The following GABRA4 variants were observed in gnomAD, a reference collection of about 807,000 sequenced individuals.
GABRA4 encodes the protein gamma-aminobutyric acid type A receptor subunit alpha4.
A neutral mutation model predicts 49.7 loss-of-function variants in GABRA4; 12 were observed. That is an observed-to-expected ratio of 0.24 (90% CI 0.15 to 0.39). The LOEUF is 0.39. GABRA4 is among the 10% of genes least tolerant of loss of function. GABRA4 has a pLI of 1.00. For synonymous variants in GABRA4, 288 were observed against 240.2 expected, an observed-to-expected ratio of 1.20 and a Z score of -1.84; for missense variants, 506 against 686.0, an observed-to-expected ratio of 0.74 and a Z score of 2.93.
At chr4:46,961,131 T>A (rs1287558974) in intron 8 of GABRA4, among the ~76,000 whole-genome samples, 2 of 151,908 alleles carry the variant, frequency 1.3e-5, no homozygotes, top group Non-Finnish European at 2.9e-5. Context: ...GTGATGAAAT[T>A]GATTCATTTA....
intron 8 of GABRA4, among the ~76,000 whole-genome samples, chr4:46,962,162 G>T (rs551275207): frequency 2.4e-4 from 37 of 151,748 alleles, no homozygotes; most frequent in Non-Finnish European, 3.5e-4. Flanking sequence ...GCCCCACCCT[G>T]CCCCATGGGG....
chr4:46,993,252 A>G, intron 1 of GABRA4, 87 bp downstream of exon 1: 1 of 1,127,876 alleles, frequency 8.9e-7, no homozygotes, highest in Non-Finnish European at 1.4e-6. Flanking sequence ...TAGTCCACCC[A>G]GGGAGGAGCG....
rs1720894180 is a variant in GABRA4, at chr4:46,919,495, A to G, written c.*8730T>C. 1 of 151,692 alleles carries G rather than the reference A, an allele frequency of 6.6e-6. No individual in the cohort carries two copies. Among genetic ancestry groups the G allele is most frequent in the South Asian group, 2.1e-4 (1 of 4,826 alleles). The allele number at this position is 151,692 out of a possible 1,614,324, so 9.4% of individuals were successfully genotyped here. Reference sequence around the variant, plus strand: ...TCCTATCAAACCTTGAACTGTTATAAATATCACACTTTATATTTACTATTC... The same window carrying G: ...TCCTATCAAACCTTGAACTGTTATAGATATCACACTTTATATTTACTATTC... On this transcript the variant is annotated 3_prime_UTR_variant, in exon 9 of 9. Coordinates refer to ENST00000264318, the MANE Select transcript of GABRA4 (RefSeq NM_000809.4).
intron 5 of GABRA4, among the ~76,000 whole-genome samples, chr4:46,974,829 A>G (rs986692175): frequency 2.0e-5 from 3 of 151,804 alleles, no homozygotes; most frequent in African/African-American, 4.8e-5. Context: ...CAATAACAAA[A>G]CCAAACAAAT....
intron 8 of GABRA4, among the ~76,000 whole-genome samples, chr4:46,956,012 T>A (rs1364296542): frequency 6.6e-6 from 1 of 152,120 alleles, no homozygotes; most frequent in Non-Finnish European, 1.5e-5. Context: ...ATATCATTTC[T>A]CTACATATGA....
chr4:46,991,853 T>C (rs1175804563), intron 2 of GABRA4, among the ~76,000 whole-genome samples: 2 of 152,258 alleles, frequency 1.3e-5, no homozygotes, highest in African/African-American at 4.8e-5. Flanking sequence ...ACAATATTAC[T>C]GGCTGTTATT....
chr4:46,928,306 G>A lies in GABRA4; in HGVS notation c.1584C>T (p.Val528=), dbSNP rs1366677924. 1 of 1,613,340 alleles carries A rather than the reference G, an allele frequency of 6.2e-7. No homozygotes were observed. Among genetic ancestry groups the A allele is most frequent in the Non-Finnish European group, 8.5e-7 (1 of 1,179,536 alleles). The change falls in exon 9 of 9, where the codon GTC becomes GTT. Residue 528 remains valine, a synonymous_variant. Coordinates refer to ENST00000264318, the MANE Select transcript of GABRA4 (RefSeq NM_000809.4). ...IDKYARILFP[V]TFGAFNMVYW... is the part of the protein sequence containing the mutation. ...AAACCATGTTAAATGCCCCAAATGT[G>A]ACTGGAAAGAGAATACGGGCATATT...
chr4:46,977,464 G>A lies in GABRA4; in HGVS notation c.440C>T (p.Ala147Val). The stretch of plus-strand genomic sequence containing the variant: ...CATAATTCTAAAAAGCTTATTTGGA[G>A]CTGTCATATTATGTGAGACAGATTT... The part of the protein sequence containing the change: ...GKKSVSHNMT[A>V]PNKLFRIMRN... The change falls in exon 4 of 9, where the codon GCT (alanine) becomes GTT (valine). Residue 147 changes from alanine to valine, a missense_variant. This residue lies in a region of GABRA4 where 195 missense variants were observed against 326.0 expected (regional missense o/e 0.60). Transcript: ENST00000264318. 1 of 1,609,568 alleles carries A rather than the reference G, an allele frequency of 6.2e-7. No homozygotes were observed. Among genetic ancestry groups the A allele is most frequent in the Non-Finnish European group, 8.5e-7 (1 of 1,176,754 alleles).
Position 46,959,278 on chromosome 4 carries a change from C to T in GABRA4, c.1134+5692G>A, listed in dbSNP as rs185681771. ...TCTAGAATCAGGAGGATGGGTGGGCCAACCCATTAATCACTGTCTTTAGAC... is the reference window on the plus strand; with the variant it reads ...TCTAGAATCAGGAGGATGGGTGGGCTAACCCATTAATCACTGTCTTTAGAC... On this transcript the variant is annotated intron_variant, in intron 8 of 8. Transcript: ENST00000264318. Among the ~76,000 whole-genome samples the T allele has an allele frequency of 1.4e-4, 21 of 152,004 alleles. No homozygotes were observed. In the East Asian group the frequency reaches 3.3e-3, roughly 24 times the overall value.
chr4:46,978,687 C>CAAAAAAAAAAAAAAAAAAAAA (rs71193889), intron 3 of GABRA4, among the ~76,000 whole-genome samples: 40 of 21,658 alleles, frequency 1.8e-3, no homozygotes, highest in East Asian at 4.3e-3. Context: ...AACTTCATCT[C>CAAAAAAAAAAAAAAAAAAAAA]AAAAAAAAAA....
chr4:46,978,687 C>CAAAAAAACAAAA (rs1723234255), intron 3 of GABRA4, among the ~76,000 whole-genome samples: 1 of 21,648 alleles, frequency 4.6e-5, no homozygotes, highest in Non-Finnish European at 8.8e-5. Flanking sequence ...AACTTCATCT[C>CAAAAAAACAAAA]AAAAAAAAAA....
chr4:46,959,285 T>G (rs1054714821), intron 8 of GABRA4, among the ~76,000 whole-genome samples: 5 of 151,968 alleles, frequency 3.3e-5, no homozygotes, highest in Admixed American at 6.6e-5. Flanking sequence ...GGCCAACCCA[T>G]TAATCACTGT....
chr4:46,960,052 A>G (rs1427238273), intron 8 of GABRA4, among the ~76,000 whole-genome samples: 1 of 151,384 alleles, frequency 6.6e-6, no homozygotes, highest in Non-Finnish European at 1.5e-5. Context: ...AACTTCCAAA[A>G]TACATGAAGA....
intron 8 of GABRA4, among the ~76,000 whole-genome samples, chr4:46,945,506 C>A (rs746122099): frequency 2.0e-5 from 3 of 152,104 alleles, no homozygotes; most frequent in Non-Finnish European, 2.9e-5. Context: ...TCCTCTCAAT[C>A]ATAGTTCTAA....
intron 8 of GABRA4, among the ~76,000 whole-genome samples, chr4:46,947,289 A>G (rs769826565): frequency 3.9e-5 from 6 of 152,026 alleles, no homozygotes; most frequent in Non-Finnish European, 8.8e-5. Context: ...AAGGCACTTG[A>G]TCACATCACA....
chr4:46,946,234 T>G (rs1577756855), intron 8 of GABRA4, among the ~76,000 whole-genome samples: 1 of 152,166 alleles, frequency 6.6e-6, no homozygotes, highest in Non-Finnish European at 1.5e-5. Flanking sequence ...GATACTTCTT[T>G]GAATTTCATC....
Position 46,977,403 on chromosome 4 carries a change from A to G in GABRA4, c.494+7T>C, listed in dbSNP as rs756707567. The G allele has an allele frequency of 2.2e-5, 31 of 1,429,898 alleles. No individual in the cohort carries two copies. The South Asian group carries it at 3.4e-4, about 16-fold the overall frequency. 88.6% of individuals were successfully genotyped at this position (1,429,898 alleles called of 1,614,324 possible). On this transcript the variant is annotated splice_region_variant and intron_variant, in intron 4 of 8. Transcript: ENST00000264318. ...AAAGGAAGGGAAGAAGTAAAAAAAAATATTACCTCATTGTGTATAAAATAG... is the reference window on the plus strand; with the variant it reads ...AAAGGAAGGGAAGAAGTAAAAAAAAGTATTACCTCATTGTGTATAAAATAG...
chr4:46,988,040 C>T (rs377322882), intron 2 of GABRA4, among the ~76,000 whole-genome samples: 6 of 152,236 alleles, frequency 3.9e-5, no homozygotes, highest in African/African-American at 1.4e-4. Context: ...CCATCTACAT[C>T]ACACTAACCT....
At chr4:46,992,976 G>A (rs373483792) in intron 1 of GABRA4, 30 bp from the exon 2 acceptor site, 2 of 1,456,512 alleles carry the variant, frequency 1.4e-6, no homozygotes, top group South Asian at 1.1e-5. Flanking sequence ...AACCGGGGGC[G>A]GAGGAGATTA....
Sources: allele counts gnomAD v4.1 joint callset (sites outside exome capture counted in the v4.1 genomes callset), GRCh38; gene constraint gnomAD v4.1.1; regional missense constraint gnomAD v4.1.1; transcripts MANE v1.5; gene names NCBI Gene and HGNC (gene_info 2026-07-23, HGNC 2026-07-21).